The following KALRN variants were observed in gnomAD, a reference collection of about 807,000 sequenced individuals.
KALRN encodes the protein kalirin.
Under a neutral mutation model 353.7 loss-of-function variants are expected in KALRN, and 70 were observed. That is an observed-to-expected ratio of 0.20 (90% CI 0.16 to 0.24). The LOEUF (loss-of-function observed/expected upper bound fraction) is 0.24. Among genes scored for constraint, KALRN ranks in the 10% least tolerant of loss-of-function variants. The pLI, the probability that KALRN is intolerant of heterozygous loss-of-function variation, is 1.00. For missense variants in KALRN, 2,791 were observed against 3,756.7 expected (o/e 0.74, Z 6.72); for synonymous variants, 1,391 against 1,434.8 (o/e 0.97, Z 0.69).
At chr3:124,354,200 G>A (rs1341166082) in intron 10 of KALRN, among the ~76,000 whole-genome samples, 5 of 152,144 alleles carry the variant, frequency 3.3e-5, no homozygotes, top group Admixed American at 6.6e-5. Context: ...GAAGAAATTG[G>A]GGTTTTATTC....
chr3:124,709,696 A>T (rs961706456), intron 57 of KALRN, among the ~76,000 whole-genome samples: 8 of 152,270 alleles, frequency 5.3e-5, no homozygotes, highest in Non-Finnish European at 2.9e-5. Context: ...CTAGACTAGA[A>T]GTTCCAATTT....
chr3:124,417,282 C>T (rs528383292), intron 14 of KALRN, among the ~76,000 whole-genome samples: 1 of 152,300 alleles, frequency 6.6e-6, no homozygotes, highest in East Asian at 1.9e-4. Flanking sequence ...TTAGTTTCTT[C>T]TTCTGTCTAC....
chr3:124,364,060 C>T (rs753423850), intron 10 of KALRN, among the ~76,000 whole-genome samples: 7 of 152,198 alleles, frequency 4.6e-5, no homozygotes, highest in East Asian at 3.8e-4. Context: ...CTTATATCTA[C>T]GTTTTGGGGG....
At chr3:124,429,983 C>A (rs772258841) in intron 15 of KALRN, among the ~76,000 whole-genome samples, 1 of 152,136 alleles carries the variant, frequency 6.6e-6, no homozygotes, top group Non-Finnish European at 1.5e-5. Flanking sequence ...TCAGGTGTGA[C>A]CTGGGTATTC....
chr3:124,464,586 A>G (rs983291357), intron 25 of KALRN, among the ~76,000 whole-genome samples: 1 of 152,166 alleles, frequency 6.6e-6, no homozygotes, highest in Non-Finnish European at 1.5e-5. Context: ...TACCCAGCAC[A>G]TATTATCGAG....
At chr3:124,448,419 A>G (rs1180317393) in intron 21 of KALRN, among the ~76,000 whole-genome samples, 1 of 152,012 alleles carries the variant, frequency 6.6e-6, no homozygotes, top group Non-Finnish European at 1.5e-5. Context: ...CCACAACTCT[A>G]CAGCTGTGCT....
chr3:124,053,874 G>C (rs531393408), intron 1 of KALRN, among the ~76,000 whole-genome samples: 2 of 152,176 alleles, frequency 1.3e-5, no homozygotes, highest in Non-Finnish European at 2.9e-5. Flanking sequence ...CGCTTGGCTT[G>C]TTGTGCATAA....
At chr3:124,088,431 C>T (rs1047931601) in intron 1 of KALRN, among the ~76,000 whole-genome samples, 3 of 152,110 alleles carry the variant, frequency 2.0e-5, no homozygotes, top group Non-Finnish European at 1.5e-5. Context: ...AGAATCTGCC[C>T]CCTCCTGAAG....
At chr3:124,302,601 G>A (rs2077353399) in intron 6 of KALRN, among the ~76,000 whole-genome samples, 1 of 152,162 alleles carries the variant, frequency 6.6e-6, no homozygotes, top group Non-Finnish European at 1.5e-5. Context: ...TACATTGGTT[G>A]AAGACCCAAT....
At chr3:124,555,337 C>A (rs1021700229) in intron 33 of KALRN, among the ~76,000 whole-genome samples, 1 of 151,880 alleles carries the variant, frequency 6.6e-6, no homozygotes, top group Non-Finnish European at 1.5e-5. Context: ...TGGCGTGCAC[C>A]CGGAAGGCAG....
At chr3:124,324,703 C>A (rs2079695212) in intron 6 of KALRN, among the ~76,000 whole-genome samples, 1 of 152,068 alleles carries the variant, frequency 6.6e-6, no homozygotes, top group African/African-American at 2.4e-5. Flanking sequence ...CCAACCTGGC[C>A]CAGGTTTGGG....
chr3:124,315,902 T>G (rs9838361), intron 6 of KALRN, among the ~76,000 whole-genome samples: 95,415 of 151,918 alleles, frequency 0.63, 30,193 homozygotes, highest in South Asian at 0.78. Flanking sequence ...TCGATAATAA[T>G]CAGTGACAGT....
At chr3:124,372,733 A>G (rs193084240) in intron 10 of KALRN, among the ~76,000 whole-genome samples, 1 of 152,248 alleles carries the variant, frequency 6.6e-6, no homozygotes, top group Non-Finnish European at 1.5e-5. Flanking sequence ...ATTGTTGAGC[A>G]TTTTGGTCAT....
intron 34 of KALRN, among the ~76,000 whole-genome samples, chr3:124,588,120 C>T (rs910296503): frequency 5.9e-5 from 9 of 152,044 alleles, no homozygotes; most frequent in African/African-American, 9.7e-5. Context: ...AAATAGATAT[C>T]GGGTAAGAAG....
At chr3:124,086,152 C>A (rs1169780838) in intron 1 of KALRN, among the ~76,000 whole-genome samples, 2 of 152,040 alleles carry the variant, frequency 1.3e-5, no homozygotes, top group African/African-American at 2.4e-5. Flanking sequence ...ATAGAATACA[C>A]TGCAATGTGT....
intron 33 of KALRN, among the ~76,000 whole-genome samples, chr3:124,496,724 T>C (rs2063891409): frequency 6.6e-6 from 1 of 152,142 alleles, no homozygotes; most frequent in Admixed American, 6.5e-5. Context: ...CACCTGGGCT[T>C]CTTGGGCTGC....
At chr3:124,166,858 G>A (rs944349693) in intron 1 of KALRN, among the ~76,000 whole-genome samples, 1 of 151,994 alleles carries the variant, frequency 6.6e-6, no homozygotes, top group Middle Eastern at 3.2e-3. Context: ...AGCCAACATG[G>A]TAAAACCCCG....
chr3:124,494,142 T>C (rs1356734127), intron 32 of KALRN, among the ~76,000 whole-genome samples: 3 of 152,314 alleles, frequency 2.0e-5, no homozygotes, highest in Admixed American at 2.0e-4. Flanking sequence ...TTCCAGAACA[T>C]GGGAAAGGCA....
chr3:124,181,294 G>A (rs75427969), intron 1 of KALRN, among the ~76,000 whole-genome samples: 1,884 of 152,034 alleles, frequency 0.012, 14 homozygotes, highest in Non-Finnish European at 0.019. Context: ...ACATTCCCAG[G>A]CTAGACCCAA....
Sources: allele counts gnomAD v4.1 joint callset (sites outside exome capture counted in the v4.1 genomes callset), GRCh38; gene constraint gnomAD v4.1.1; transcripts MANE v1.5; gene names NCBI Gene and HGNC (gene_info 2026-07-23, HGNC 2026-07-21).